Variants in DCDC1 observed in about 807,000 individuals in gnomAD.
DCDC1 encodes the protein doublecortin domain-containing protein 1.
A neutral mutation model predicts 178.3 loss-of-function variants in DCDC1; 200 were observed. That is an observed-to-expected ratio of 1.12 (90% confidence interval 1.00 to 1.26). DCDC1 has a LOEUF of 1.26. Among genes scored for constraint, DCDC1 ranks in the 50% most tolerant of loss-of-function variants. DCDC1 has a pLI of 0.00. For synonymous variants in DCDC1, 690 were observed against 604.8 expected, an observed-to-expected ratio of 1.14 and a Z score of -2.07; for missense variants, 1,983 against 1,749.2, an observed-to-expected ratio of 1.13 and a Z score of -2.38.
chr11:31,142,656 C>T (rs1015485754), intron 9 of DCDC1, among the ~76,000 whole-genome samples: 3 of 152,034 alleles, frequency 2.0e-5, no homozygotes, highest in Admixed American at 2.0e-4. Context: ...CTATCTTTGA[C>T]TTAAAATTAA....
At chr11:31,056,726 G>A (rs1290988967) in intron 20 of DCDC1, among the ~76,000 whole-genome samples, 1 of 152,046 alleles carries the variant, frequency 6.6e-6, no homozygotes, top group Admixed American at 6.6e-5. Flanking sequence ...ATTTAGTGGG[G>A]AATTTTTACC....
intron 9 of DCDC1, among the ~76,000 whole-genome samples, chr11:31,172,557 C>G (rs1967382246): frequency 6.6e-6 from 1 of 152,228 alleles, no homozygotes; most frequent in Admixed American, 6.5e-5. Context: ...TTTTACTCCT[C>G]TAAAATTTAG....
At chr11:31,078,118 C>G (rs1381723381) in intron 17 of DCDC1, among the ~76,000 whole-genome samples, 193 bp from the exon 18 acceptor site, 1 of 152,188 alleles carries the variant, frequency 6.6e-6, no homozygotes, top group East Asian at 1.9e-4. Flanking sequence ...TGCTACAATG[C>G]TCTGGTACCC....
intron 9 of DCDC1, among the ~76,000 whole-genome samples, chr11:31,173,250 T>G (rs927127010): frequency 2.0e-5 from 3 of 152,228 alleles, no homozygotes; most frequent in Non-Finnish European, 4.4e-5. Context: ...AAGAATTTGG[T>G]GTATACCAAC....
At chr11:30,971,763 C>T (rs1278269736) in intron 20 of DCDC1, among the ~76,000 whole-genome samples, 2 of 151,924 alleles carry the variant, frequency 1.3e-5, no homozygotes, top group Admixed American at 6.6e-5. Context: ...GTGCCCGCCA[C>T]CACGCCCAGC....
chr11:31,052,862 A>C (rs1444834161), intron 20 of DCDC1, among the ~76,000 whole-genome samples: 1 of 152,136 alleles, frequency 6.6e-6, no homozygotes, highest in African/African-American at 2.4e-5. Context: ...TCATAGCCCT[A>C]AACACTGATA....
At chr11:31,152,406 C>A (rs1219270355) in intron 9 of DCDC1, among the ~76,000 whole-genome samples, 1 of 152,170 alleles carries the variant, frequency 6.6e-6, no homozygotes, top group Non-Finnish European at 1.5e-5. Context: ...TAAAAGTCTC[C>A]ACCACAGTGT....
chr11:31,119,666 T>C (rs1027209555), intron 11 of DCDC1, among the ~76,000 whole-genome samples: 1 of 152,200 alleles, frequency 6.6e-6, no homozygotes, highest in South Asian at 2.1e-4. Context: ...AATGAATGAT[T>C]GGAAACTTTA....
At chr11:31,189,526 A>C (rs962562716) in intron 9 of DCDC1, among the ~76,000 whole-genome samples, 6 of 152,190 alleles carry the variant, frequency 3.9e-5, no homozygotes, top group Non-Finnish European at 8.8e-5. Context: ...CATGCAAATT[A>C]ATTATCTGAA....
intron 9 of DCDC1, among the ~76,000 whole-genome samples, chr11:31,210,318 T>TGGG (rs1972343595): frequency 6.6e-6 from 1 of 152,228 alleles, no homozygotes; most frequent in Non-Finnish European, 1.5e-5. Context: ...AAAGGTACTA[T>TGGG]ACTCCTGTGT....
At chr11:31,334,734 C>T (rs1853532) in intron 2 of DCDC1, among the ~76,000 whole-genome samples, 43,852 of 152,084 alleles carry the variant, frequency 0.29, 7,115 homozygotes, top group Non-Finnish European at 0.35. Flanking sequence ...GCAAATATTG[C>T]AGAACAGCAA....
chr11:31,169,293 T>C (rs1232404832), intron 9 of DCDC1, among the ~76,000 whole-genome samples: 1 of 152,198 alleles, frequency 6.6e-6, no homozygotes, highest in African/African-American at 2.4e-5. Context: ...CAAACTACCA[T>C]GGCACATGTA....
At chr11:30,920,691 T>A in intron 25 of DCDC1, 85 bp downstream of exon 25, 2 of 1,506,666 alleles carry the variant, frequency 1.3e-6, no homozygotes, top group Non-Finnish European at 1.8e-6. Flanking sequence ...ATGAGCTCCC[T>A]GCATGGGCTC....
intron 6 of DCDC1, among the ~76,000 whole-genome samples, chr11:31,305,273 G>C (rs1334876999): frequency 6.6e-6 from 1 of 152,170 alleles, no homozygotes; most frequent in African/African-American, 2.4e-5. Context: ...GAGAGGATAA[G>C]TCTAATGAAT....
intron 20 of DCDC1, among the ~76,000 whole-genome samples, chr11:31,005,971 A>AC (rs1262020827): frequency 0.022 from 3,189 of 146,100 alleles, 177 homozygotes; most frequent in African/African-American, 0.077. Flanking sequence ...AAAAAAAAAA[A>AC]AAAAAAACTT....
Position 31,152,542 on chromosome 11 carries a change from G to A in DCDC1, c.1222-14758C>T, listed in dbSNP as rs1008499096. 2.0e-5 allele frequency among the ~76,000 whole-genome samples: 3 copies of A among 152,318 alleles called. No individual in the cohort carries two copies. The South Asian group carries it at 6.2e-4, about 32-fold the overall frequency. On this transcript the variant is annotated intron_variant, in intron 9 of 38. Transcript: ENST00000684477. ...GGGAAAATTCTCTTCCACTATTTCTGTGCTTACTAAAGTCCTCTAATCTCT... is the reference window on the plus strand; with the variant it reads ...GGGAAAATTCTCTTCCACTATTTCTATGCTTACTAAAGTCCTCTAATCTCT...
intron 1 of DCDC1, among the ~76,000 whole-genome samples, chr11:31,354,797 G>A (rs1326343482): frequency 6.6e-6 from 1 of 152,150 alleles, no homozygotes; most frequent in African/African-American, 2.4e-5. Context: ...ATCTGTTTCA[G>A]AATAAAGTCA....
chr11:31,096,568 C>A (rs776636350), intron 15 of DCDC1, among the ~76,000 whole-genome samples: 2 of 152,262 alleles, frequency 1.3e-5, no homozygotes, highest in East Asian at 3.9e-4. Flanking sequence ...TCCTTTGTCT[C>A]TGCCTTGGGC....
intron 1 of DCDC1, among the ~76,000 whole-genome samples, chr11:31,355,584 T>A (rs573355769): frequency 6.6e-6 from 1 of 152,314 alleles, no homozygotes; most frequent in East Asian, 1.9e-4. Context: ...TTTCTTTTTT[T>A]TAAGTCAGAG....
Sources: gnomAD v4.1 joint callset for allele counts (sites outside exome capture counted in the v4.1 genomes callset) on GRCh38, gnomAD v4.1.1 for gene constraint, MANE v1.5 for transcripts, NCBI Gene and HGNC (gene_info 2026-07-23, HGNC 2026-07-21) for gene names.